The following CALB2 variants were observed in gnomAD, a reference collection of about 807,000 sequenced individuals.
CALB2 encodes the protein calbindin 2, also known as calretinin.
Under a neutral mutation model 45.9 loss-of-function variants are expected in CALB2, and 34 were observed. The observed-to-expected ratio is 0.74, with a 90% CI of 0.56 to 0.99. CALB2 has a LOEUF of 0.99. Ranked by LOEUF, CALB2 falls within the 50% of genes least tolerant of loss-of-function variation. The probability of loss-of-function intolerance (pLI) is 0.00; values close to 1 mark genes in which losing one functional copy is unlikely to be tolerated. For synonymous variants in CALB2, 142 were observed against 129.6 expected (o/e 1.10, Z -0.65); for missense variants, 344 against 339.3 (o/e 1.01, Z -0.11).
chr16:71,385,101 C>T (rs889969380), intron 9 of CALB2, among the ~76,000 whole-genome samples: 4 of 152,246 alleles, frequency 2.6e-5, no homozygotes, highest in South Asian at 4.1e-4. Flanking sequence ...ACCACGCTGT[C>T]GGGAGCCAAA....
intron 10 of CALB2, among the ~76,000 whole-genome samples, chr16:71,386,407 G>A (rs1319719512): frequency 6.6e-6 from 1 of 152,178 alleles, no homozygotes; most frequent in Non-Finnish European, 1.5e-5. Flanking sequence ...AGAGGTGAAG[G>A]GCTATTCTGG....
chr16:71,385,212 C>A (rs990675504), intron 9 of CALB2: 7 of 350,184 alleles, frequency 2.0e-5, no homozygotes, highest in African/African-American at 1.4e-4. Flanking sequence ...CCATACCCAC[C>A]CCTCCCTGGG....
intron 10 of CALB2, 134 bp from the exon 11 acceptor site, chr16:71,389,615 A>T: frequency 1.3e-6 from 1 of 772,038 alleles, no homozygotes; most frequent in Non-Finnish European, 2.4e-6. Flanking sequence ...CATGCTTTGC[A>T]TTCATCTAAG....
chr16:71,375,822 G>T (rs1479279430), intron 3 of CALB2, among the ~76,000 whole-genome samples: 1 of 152,220 alleles, frequency 6.6e-6, no homozygotes, highest in Non-Finnish European at 1.5e-5. Flanking sequence ...CCACTTTGAG[G>T]CAAGGGGGCT....
rs566896914 is a variant in CALB2 at position 71,368,591 on chromosome 16, G to C, written c.95-3562G>C. ...CTGGATCAGGAATTAGGACACTTCC[G>C]TTCTGGTCCTCCCTGGCTGTGTGGT... On this transcript the variant is annotated intron_variant, in intron 1 of 10. Coordinates refer to ENST00000302628, the MANE Select transcript of CALB2 (RefSeq NM_001740.5). 2.6e-5 allele frequency among the ~76,000 whole-genome samples: 4 copies of C among 152,308 alleles called. No individual in the cohort carries two copies. The South Asian group carries it at 8.3e-4, about 32-fold the overall frequency.
intron 1 of CALB2, among the ~76,000 whole-genome samples, chr16:71,371,722 C>G (rs1382528726): frequency 6.6e-6 from 1 of 152,168 alleles, no homozygotes; most frequent in Non-Finnish European, 1.5e-5. Context: ...TGCAATGACC[C>G]TGTTTCCAAA....
At chr16:71,383,949 G>A in intron 6 of CALB2, 21 bp from the exon 7 acceptor site, 3 of 1,613,654 alleles carry the variant, frequency 1.9e-6, no homozygotes, top group South Asian at 1.1e-5. Flanking sequence ...AATAACCCAG[G>A]CACCTTTCTG....
At chr16:71,384,131 A>C (rs2042535796) in intron 7 of CALB2, 106 bp downstream of exon 7, 4 of 1,265,038 alleles carry the variant, frequency 3.2e-6, no homozygotes, top group Non-Finnish European at 4.6e-6. Flanking sequence ...GCGGGTGTCA[A>C]GAAGCTCAAG....
At chr16:71,384,551 C>A (rs913788017) in intron 8 of CALB2, among the ~76,000 whole-genome samples, 173 bp downstream of exon 8, 4 of 139,780 alleles carry the variant, frequency 2.9e-5, no homozygotes, top group Non-Finnish European at 4.7e-5. Context: ...AAAACACACA[C>A]AGACCACACA....
At chr16:71,374,644 C>A in intron 2 of CALB2, 101 bp from the exon 3 acceptor site, 5 of 775,714 alleles carry the variant, frequency 6.4e-6, no homozygotes, top group South Asian at 4.6e-5. Context: ...GGTTCTGCAC[C>A]CACTTACCCA....
At chr16:71,367,891 G>A (rs1212136644) in intron 1 of CALB2, among the ~76,000 whole-genome samples, 2 of 152,148 alleles carry the variant, frequency 1.3e-5, no homozygotes, top group African/African-American at 4.8e-5. Context: ...CAGAGAGGCG[G>A]CTTCTCTCCA....
At chr16:71,377,795 C>T in intron 4 of CALB2, 48 bp downstream of exon 4, 1 of 1,410,828 alleles carries the variant, frequency 7.1e-7, no homozygotes. Flanking sequence ...ACCTGCCTTC[C>T]TCCTGTGTTC....
chr16:71,389,998 G>A lies in CALB2; in HGVS notation c.*133G>A. On this transcript the variant is annotated 3_prime_UTR_variant, in exon 11 of 11. Coordinates refer to ENST00000302628, the MANE Select transcript of CALB2 (RefSeq NM_001740.5). ...CCTGCACACACCTGCCTGCAGAGCA[G>A]GAAATGAGAGATAGAGGATGGGCAG... The A allele has an allele frequency of 1.5e-6, 1 of 655,234 alleles. No homozygotes were observed. The highest frequency in any genetic ancestry group is 2.6e-5 in the East Asian group (1 of 38,830). 40.6% of individuals were successfully genotyped at this position (655,234 alleles called of 1,614,324 possible).
chr16:71,382,648 AG>A lies in CALB2; in HGVS notation c.343-67del. 4 of 1,493,372 alleles carry A rather than the reference AG, an allele frequency of 2.7e-6. No homozygotes were observed. In the South Asian group the frequency reaches 4.8e-5, roughly 18 times the overall value. 92.5% of individuals were successfully genotyped at this position (1,493,372 alleles called of 1,614,324 possible). The stretch of plus-strand genomic sequence containing the variant: ...ATCAAGACCCTGGGTGGCCCATTAA[AG>A]GGGAATGGAAGGGAGGTGGGTAGAT... On this transcript the variant is annotated intron_variant, in intron 4 of 10. Coordinates refer to ENST00000302628, the MANE Select transcript of CALB2 (RefSeq NM_001740.5).
Position 71,365,366 on chromosome 16 carries a change from G to A in CALB2, c.94+6480G>A, listed in dbSNP as rs117701781. 6.7e-3 allele frequency among the ~76,000 whole-genome samples: 1,024 copies of A among 152,270 alleles called. 7 individuals carry two copies. The highest frequency in any genetic ancestry group is 0.012 in the Admixed American group (182 of 15,296). On this transcript the variant is annotated intron_variant, in intron 1 of 10. Coordinates refer to ENST00000302628, the MANE Select transcript of CALB2 (RefSeq NM_001740.5). ...ACTGGTGCACTAGAAGCGACTGGAC[G>A]CAACATCTTGAGTGTGCTGAAGGGC...
At position 71,382,781 on chromosome 16, in the gene CALB2, A is replaced by G. The variant is rs2042515398; in HGVS notation, c.399+6A>G. On this transcript the variant is annotated splice_donor_region_variant and intron_variant, in intron 5 of 10. Coordinates refer to ENST00000302628, the MANE Select transcript of CALB2 (RefSeq NM_001740.5). Reference sequence around the variant, plus strand: ...TCGAAGCCAATGAGCTCAAGGTAGGATGGGCCTTGGGGAGGGTGTGAGGCC... The same window carrying G: ...TCGAAGCCAATGAGCTCAAGGTAGGGTGGGCCTTGGGGAGGGTGTGAGGCC... 6.2e-7 allele frequency: 1 copy of G among 1,609,290 alleles called. No individual in the cohort carries two copies.
Position 71,384,349 on chromosome 16 carries a change from G to GAC in CALB2, c.544_545insAC (p.Val182AspfsTer13). On this transcript the variant is annotated frameshift_variant, in exon 8 of 11. Coordinates refer to ENST00000302628, the MANE Select transcript of CALB2 (RefSeq NM_001740.5). LOFTEE classifies it high-confidence loss of function. ...ACATTTTCTCCCCAGACTCCTGCCT[G>GAC]TCCAGGAAAACTTCCTGCTTAAATT... is the stretch of plus-strand genomic sequence containing the variant. 1.2e-6 allele frequency: 2 copies of GAC among 1,613,058 alleles called. No homozygotes were observed. The highest frequency in any genetic ancestry group is 2.2e-5 in the South Asian group (2 of 91,062).
intron 10 of CALB2, among the ~76,000 whole-genome samples, chr16:71,387,421 G>T (rs1342335770): frequency 6.6e-6 from 1 of 151,656 alleles, no homozygotes; most frequent in Admixed American, 6.6e-5. Flanking sequence ...AGAGAGCCGC[G>T]TGACTCTAAA....
chr16:71,385,798 G>T (rs1331079395), intron 10 of CALB2, 150 bp downstream of exon 10: 2 of 597,232 alleles, frequency 3.3e-6, no homozygotes, highest in African/African-American at 3.7e-5. Flanking sequence ...TTTGCTTTTG[G>T]TTTTTTGATT....
Sources: allele counts gnomAD v4.1 joint callset (sites outside exome capture counted in the v4.1 genomes callset), GRCh38; gene constraint gnomAD v4.1.1; transcripts MANE v1.5; gene names NCBI Gene and HGNC (gene_info 2026-07-23, HGNC 2026-07-21).